Variants in SLC9B1 observed in about 807,000 individuals in gnomAD.
The protein encoded by SLC9B1 is sodium/hydrogen exchanger 9B1.
A neutral mutation model predicts 51.7 loss-of-function variants in SLC9B1; 32 were observed. The ratio of observed to expected loss-of-function variants is 0.62; its 90% CI spans 0.47 to 0.83. The LOEUF (loss-of-function observed/expected upper bound fraction) is 0.83. SLC9B1 is among the 40% of genes least tolerant of loss of function. SLC9B1 has a pLI of 0.00. For synonymous variants in SLC9B1, 145 were observed against 212.7 expected (o/e 0.68, Z 2.77); for missense variants, 406 against 613.2 (o/e 0.66, Z 3.57).
intron 9 of SLC9B1, among the ~76,000 whole-genome samples, chr4:102,909,878 C>T (rs565248339): frequency 9.2e-5 from 14 of 152,088 alleles, no homozygotes; most frequent in South Asian, 2.1e-4. Flanking sequence ...GGCTGGAGTG[C>T]AATGGCATGA....
chr4:102,975,849 G>GAA (rs1422031935), intron 3 of SLC9B1, among the ~76,000 whole-genome samples: 1 of 151,680 alleles, frequency 6.6e-6, no homozygotes, highest in African/African-American at 2.4e-5. Context: ...TTACAGGTGT[G>GAA]AACTACCACG....
intron 7 of SLC9B1, among the ~76,000 whole-genome samples, 167 bp from the exon 8 acceptor site, chr4:102,911,704 T>C (rs1402064106): frequency 6.6e-6 from 1 of 152,186 alleles, no homozygotes; most frequent in Non-Finnish European, 1.5e-5. Context: ...TGTAGATCTA[T>C]TTAGTACGTT....
At chr4:102,956,440 C>T (rs1737819984) in intron 3 of SLC9B1, among the ~76,000 whole-genome samples, 1 of 151,798 alleles carries the variant, frequency 6.6e-6, no homozygotes, top group Non-Finnish European at 1.5e-5. Context: ...GAGAGTATGA[C>T]AAAAAGTAAA....
At chr4:102,886,207 G>A (rs1257672153) in intron 11 of SLC9B1, among the ~76,000 whole-genome samples, 1 of 152,138 alleles carries the variant, frequency 6.6e-6, no homozygotes, top group Non-Finnish European at 1.5e-5. Flanking sequence ...AATACACGCA[G>A]GCCAGGCGCG....
intron 1 of SLC9B1, among the ~76,000 whole-genome samples, chr4:103,018,657 C>A (rs866988560): frequency 1.0e-5 from 1 of 98,566 alleles, no homozygotes; most frequent in Non-Finnish European, 1.9e-5. Context: ...CTCTAGGACA[C>A]CCATAGAGGG....
chr4:102,985,582 G>T (rs984240702), intron 3 of SLC9B1, among the ~76,000 whole-genome samples: 1 of 151,668 alleles, frequency 6.6e-6, no homozygotes, highest in African/African-American at 2.4e-5. Flanking sequence ...GGAGTGCAGC[G>T]GTGTGATCTC....
intron 7 of SLC9B1, among the ~76,000 whole-genome samples, chr4:102,914,901 T>C (rs1735507046): frequency 6.6e-6 from 1 of 152,012 alleles, no homozygotes; most frequent in Non-Finnish European, 1.5e-5. Flanking sequence ...GAACTCCAAG[T>C]TGGATAATTT....
At chr4:102,886,904 C>T (rs946123346) in intron 11 of SLC9B1, among the ~76,000 whole-genome samples, 75 of 152,288 alleles carry the variant, frequency 4.9e-4, no homozygotes, top group African/African-American at 1.7e-3. Flanking sequence ...CGTAAACTAC[C>T]GCACCAGCCT....
In SLC9B1 at chr4:102,915,738, T is replaced by G. The variant is rs972571013; in HGVS notation, c.830-4201A>C. ...TTAAAAAGTAAAAGCATAACATTAC[T>G]GTATTAAATTATGTGAATAAACAAT... On this transcript the variant is annotated intron_variant, in intron 7 of 11. Coordinates refer to ENST00000296422, the MANE Select transcript of SLC9B1 (RefSeq NM_139173.4). Among the ~76,000 whole-genome samples, 16 of 152,236 alleles carry G rather than the reference T, an allele frequency of 1.1e-4. 1 individual carries two copies. Among genetic ancestry groups the G allele is most frequent in the African/African-American group, 3.9e-4 (16 of 41,456 alleles).
chr4:102,906,268 C>G, intron 10 of SLC9B1: 1 of 197,846 alleles, frequency 5.1e-6, no homozygotes, highest in Non-Finnish European at 1.0e-5. Flanking sequence ...AAGCGCTGAT[C>G]GTATCAAATA....
At chr4:102,925,681 A>C (rs1736126025) in intron 7 of SLC9B1, among the ~76,000 whole-genome samples, 1 of 141,844 alleles carries the variant, frequency 7.1e-6, no homozygotes, top group African/African-American at 2.8e-5. Context: ...AAAAAAATTA[A>C]ACACTTCTTC....
intron 7 of SLC9B1, among the ~76,000 whole-genome samples, chr4:102,929,736 G>A (rs1345231719): frequency 6.6e-6 from 1 of 152,164 alleles, no homozygotes; most frequent in Non-Finnish European, 1.5e-5. Context: ...TGGCCAGGCT[G>A]GTCTTGAACT....
At chr4:103,000,124 A>G (rs1342107458) in intron 1 of SLC9B1, among the ~76,000 whole-genome samples, 1 of 152,198 alleles carries the variant, frequency 6.6e-6, no homozygotes, top group Non-Finnish European at 1.5e-5. Flanking sequence ...CTCCCTTGAC[A>G]CATGGAAATT....
chr4:102,958,917 C>T (rs555917066), intron 3 of SLC9B1, among the ~76,000 whole-genome samples: 10 of 150,594 alleles, frequency 6.6e-5, no homozygotes, highest in East Asian at 5.8e-4. Context: ...AACGAGACTC[C>T]GTCTCAAGAA....
At chr4:102,988,462 CTA>C (rs1408675214) in intron 3 of SLC9B1, among the ~76,000 whole-genome samples, 3 of 152,072 alleles carry the variant, frequency 2.0e-5, no homozygotes, top group Admixed American at 6.6e-5. Flanking sequence ...TATCCAAACT[CTA>C]TGCAGTTTTA....
chr4:102,890,433 G>A (rs1560909707), intron 11 of SLC9B1: 1 of 152,164 alleles, frequency 6.6e-6, no homozygotes, highest in African/African-American at 2.4e-5. Flanking sequence ...ACCTACCAAA[G>A]AAGCCTAAGT....
intron 7 of SLC9B1, among the ~76,000 whole-genome samples, chr4:102,917,808 G>A (rs1043438257): frequency 3.3e-5 from 5 of 152,070 alleles, no homozygotes; most frequent in Admixed American, 2.0e-4. Context: ...AATGGCTCAC[G>A]ACTGTAATCC....
intron 4 of SLC9B1, among the ~76,000 whole-genome samples, chr4:102,948,910 T>C (rs1737402144): frequency 6.6e-6 from 1 of 152,174 alleles, no homozygotes; most frequent in East Asian, 1.9e-4. Flanking sequence ...AATGTCACCA[T>C]TATGCAATAT....
In SLC9B1 at chr4:102,910,576, A is replaced by G. The variant is rs1735290124; in HGVS notation, c.949T>C (p.Leu317=). The change falls in exon 9 of 12, where the codon TTG becomes CTG. Residue 317 remains leucine (L), a synonymous_variant. Transcript: ENST00000296422. The part of the protein sequence containing the change: ...FPSEDQKKLT[L]KRGFLVLTMC... ...GTCAAAACAAGGAATCCTCTCTTCA[A>G]TGTAAGTTTTTTCTAGAATTAGATA... is the stretch of plus-strand genomic sequence containing the variant. The G allele has an allele frequency of 3.4e-6, 5 of 1,454,318 alleles. No homozygotes were observed. The highest frequency in any genetic ancestry group is 2.9e-5 in the African/African-American group (2 of 68,154). 90.1% of individuals were successfully genotyped at this position (1,454,318 alleles called of 1,614,324 possible).
Sources: gnomAD v4.1 joint callset for allele counts (sites outside exome capture counted in the v4.1 genomes callset) on GRCh38, gnomAD v4.1.1 for gene constraint, MANE v1.5 for transcripts, NCBI Gene and HGNC (gene_info 2026-07-23, HGNC 2026-07-21) for gene names.